Variants in ATG16L2 observed in about 807,000 individuals in gnomAD.
ATG16L2 encodes protein Atg16l2.
In ATG16L2, 77 loss-of-function variants were observed where a neutral mutation model predicts 84.7. The ratio of observed to expected loss-of-function variants is 0.91; its 90% CI spans 0.76 to 1.10. ATG16L2 has a LOEUF of 1.10. ATG16L2 is among the 50% of genes least tolerant of loss of function. ATG16L2 has a pLI of 0.00. For missense variants in ATG16L2, 782 were observed against 817.6 expected, an observed-to-expected ratio of 0.96 and a Z score of 0.53; for synonymous variants, 361 against 342.8, an observed-to-expected ratio of 1.05 and a Z score of -0.59.
At chr11:72,824,876 G>A in intron 9 of ATG16L2, 34 bp downstream of exon 9, 1 of 1,536,290 alleles carries the variant, frequency 6.5e-7, no homozygotes, top group Non-Finnish European at 8.8e-7. Context: ...GGGTGGGGCA[G>A]TGGTGAGAGA....
intron 9 of ATG16L2, 99 bp downstream of exon 9, chr11:72,824,941 G>A (rs1591308362): frequency 2.1e-6 from 2 of 968,048 alleles, no homozygotes; most frequent in Non-Finnish European, 3.0e-6. Flanking sequence ...GGCCAGGGAA[G>A]CAAGGCTGGG....
In ATG16L2 at chr11:72,826,589, G is replaced by A. The variant is rs373191976; in HGVS notation, c.1245G>A (p.Lys415=). Reference sequence around the variant, plus strand: ...GGAAGGTGGGGGAGGCACAGTCCAAGGTGAGGCCTGACTGGGGAGGCTGCC... The same window carrying A: ...GGAAGGTGGGGGAGGCACAGTCCAAAGTGAGGCCTGACTGGGGAGGCTGCC... The part of the protein sequence containing the change: ...QLWKVGEAQS[K]ETLSGHKDKV... Residue 415 remains lysine, a splice_region_variant and synonymous_variant, in exon 12 of 18, where the codon AAG becomes AAA. Coordinates refer to ENST00000321297, the MANE Select transcript of ATG16L2 (RefSeq NM_033388.2). The A allele has an allele frequency of 6.2e-7, 1 of 1,614,212 alleles. No individual in the cohort carries two copies. Among genetic ancestry groups the A allele is most frequent in the Non-Finnish European group, 8.5e-7 (1 of 1,180,028 alleles).
downstream of ATG16L2, among the ~76,000 whole-genome samples, chr11:72,833,775 T>C (rs1445861650): frequency 1.3e-5 from 2 of 151,566 alleles, no homozygotes; most frequent in Admixed American, 6.6e-5. Context: ...ACAAAAAAAT[T>C]AGCCGGGTGT....
chr11:72,839,407 A>C (rs1391714009), intron 5 of ATG16L2, among the ~76,000 whole-genome samples: 1 of 152,252 alleles, frequency 6.6e-6, no homozygotes, highest in Non-Finnish European at 1.5e-5. Flanking sequence ...TCAGGTAACA[A>C]CTGGAGAAAG....
downstream of ATG16L2, among the ~76,000 whole-genome samples, chr11:72,832,418 C>G (rs1860625555): frequency 6.6e-6 from 1 of 152,150 alleles, no homozygotes; most frequent in Admixed American, 6.5e-5. Context: ...TCTGTAAGGC[C>G]AGAAACAGGC....
Position 72,822,383 on chromosome 11 carries a change from G to C in ATG16L2, c.644+88G>C, listed in dbSNP as rs534579467. On this transcript the variant is annotated intron_variant, in intron 5 of 17. Transcript: ENST00000321297. This position sits in a 1 kb window ranked among gnomAD's most constrained non-coding sequence, Gnocchi z 4.2. ...CTCGCCGGTGTCTGGAAGGGAGGGG[G>C]GCAGCAGCCGCCCCCTGGAGGAAGG... 210 of 1,585,166 alleles carry C rather than the reference G, an allele frequency of 1.3e-4. 1 individual carries two copies. The African/African-American group carries it at 2.7e-3, about 20-fold the overall frequency.
rs562843635 is a variant in ATG16L2, at chr11:72,824,758, A to C, written c.912A>C (p.Ser304=). The change falls in exon 9 of 18, where the codon TCA becomes TCC. Residue 304 remains serine (S), a synonymous_variant. Transcript: ENST00000321297. ...LLDFKKRRGH[S]IGGAPEQRYQ... ...GTTTTAAGAAGAGGAGAGGTCACTCAATTGGGGGAGCCCCTGAGCAGCGAT... is the reference window on the plus strand; with the variant it reads ...GTTTTAAGAAGAGGAGAGGTCACTCCATTGGGGGAGCCCCTGAGCAGCGAT... 2 of 1,613,810 alleles carry C rather than the reference A, an allele frequency of 1.2e-6. No individual in the cohort carries two copies. The highest frequency in any genetic ancestry group is 2.2e-5 in the South Asian group (2 of 91,066).
At chr11:72,819,863 A>G (rs1859883736) in intron 3 of ATG16L2, among the ~76,000 whole-genome samples, 1 of 151,594 alleles carries the variant, frequency 6.6e-6, no homozygotes, top group African/African-American at 2.4e-5. Context: ...CTCCTGCCTC[A>G]GCCTCCCGAG....
chr11:72,823,952 T>G (rs1860173728), intron 7 of ATG16L2, 108 bp from the exon 8 acceptor site: 1 of 1,241,634 alleles, frequency 8.1e-7, no homozygotes, highest in Non-Finnish European at 1.2e-6. Context: ...ATCCCAGACT[T>G]GAGAGGTTAC....
At chr11:72,832,699 A>G (rs1195769708), downstream of ATG16L2, among the ~76,000 whole-genome samples, 1 of 152,166 alleles carries the variant, frequency 6.6e-6, no homozygotes, top group East Asian at 1.9e-4. Context: ...GGGTATAAAA[A>G]CTGAGACCCA....
downstream of ATG16L2, among the ~76,000 whole-genome samples, chr11:72,831,882 T>C (rs1342240794): frequency 3.3e-5 from 5 of 152,168 alleles, no homozygotes; most frequent in South Asian, 2.1e-4. Flanking sequence ...TTACACATAC[T>C]CTTTTTAAAG....
At chr11:72,823,894 C>A in intron 7 of ATG16L2, 166 bp from the exon 8 acceptor site, 1 of 809,330 alleles carries the variant, frequency 1.2e-6, no homozygotes, top group Non-Finnish European at 2.2e-6. Flanking sequence ...CTTCCTGGGA[C>A]TGATCTGGGT....
At chr11:72,841,040 A>G (rs1335439269) in intron 5 of ATG16L2, 2 of 1,060,864 alleles carry the variant, frequency 1.9e-6, no homozygotes, top group African/African-American at 3.1e-5. Flanking sequence ...TGGTGGCTTG[A>G]GCCTGTAATC....
chr11:72,828,892 A>G lies in ATG16L2; in HGVS notation c.1680A>G (p.Arg560=), dbSNP rs1414717459. Residue 560 remains arginine, a synonymous_variant, in exon 17 of 18, where the codon AGA becomes AGG. Coordinates refer to ENST00000321297, the MANE Select transcript of ATG16L2 (RefSeq NM_033388.2). ...DWTKAVFSPD[R]SYALAGSCDG... ...GCTGTGGCCACTACAGCCCGGACAG[A>G]AGCTATGCACTGGCAGGCTCCTGTG... 1 of 1,614,128 alleles carries G rather than the reference A, an allele frequency of 6.2e-7. No individual in the cohort carries two copies. The highest frequency in any genetic ancestry group is 1.7e-5 in the Admixed American group (1 of 60,018).
intron 17 of ATG16L2, 98 bp from the exon 18 acceptor site, chr11:72,829,205 G>A (rs1322649721): frequency 2.2e-6 from 3 of 1,342,750 alleles, no homozygotes; most frequent in African/African-American, 2.9e-5. Flanking sequence ...AGGCTCAAGA[G>A]AGGGCCTCAA....
In ATG16L2 at chr11:72,822,707, C is replaced by G. The variant is rs567353475; in HGVS notation, c.711-141C>G. On this transcript the variant is annotated intron_variant, in intron 6 of 17. Coordinates refer to ENST00000321297, the MANE Select transcript of ATG16L2 (RefSeq NM_033388.2). This position sits in a 1 kb window ranked among gnomAD's most constrained non-coding sequence, Gnocchi z 4.2. ...GCAGAGGACCGTGTGGTCGTAGGAG[C>G]CTGCATGCGTGACCGCTGCACGTGT... The G allele has an allele frequency of 1.3e-5, 14 of 1,068,178 alleles. No individual in the cohort carries two copies. Among genetic ancestry groups the G allele is most frequent in the Non-Finnish European group, 1.5e-5 (11 of 739,162 alleles). The allele number at this position is 1,068,178 out of a possible 1,614,324, so 66.2% of individuals were successfully genotyped here.
At chr11:72,842,994 G>A (rs1861008337) in exon 6 of ATG16L2, 1 of 865,706 alleles carries the variant, frequency 1.2e-6, no homozygotes, top group Non-Finnish European at 1.8e-6. Flanking sequence ...ATTAACTTTA[G>A]GGTTCTACTG....
At chr11:72,829,646 C>G, downstream of ATG16L2, 1 of 1,284,742 alleles carries the variant, frequency 7.8e-7, no homozygotes, top group South Asian at 1.9e-5. Context: ...CTGCGTCTGC[C>G]TACCTCTTTG....
At position 72,814,528 on chromosome 11, in the gene ATG16L2, C is replaced by G. The variant is rs1252710241; in HGVS notation, c.83C>G (p.Thr28Arg). The G allele has an allele frequency of 5.1e-6, 8 of 1,571,544 alleles. No homozygotes were observed. Among genetic ancestry groups the G allele is most frequent in the Non-Finnish European group, 6.9e-6 (8 of 1,158,208 alleles). The change falls in exon 1 of 18, where the codon ACG becomes AGG. Residue 28 changes from threonine (T) to arginine (R), a missense_variant. Coordinates refer to ENST00000321297, the MANE Select transcript of ATG16L2 (RefSeq NM_033388.2). ...CGGCAGCTGCGGCTTCGGGACCGTA[C>G]GCAAAAGGCGCTTTTCCTGGAGCTG... ...IVRQLRLRDR[T>R]QKALFLELVP... is the part of the protein sequence containing the mutation.
Sources: gnomAD v4.1 joint callset for allele counts (sites outside exome capture counted in the v4.1 genomes callset) on GRCh38, gnomAD v4.1.1 for gene constraint, Gnocchi (gnomAD v3.1) non-coding constraint, MANE v1.5 for transcripts, NCBI Gene and HGNC (gene_info 2026-07-23, HGNC 2026-07-21) for gene names.